The following KIRREL3 variants were observed in gnomAD, a reference collection of about 807,000 sequenced individuals.
KIRREL3 encodes the protein kirre like nephrin family adhesion molecule 3.
Under a neutral mutation model 89.7 loss-of-function variants are expected in KIRREL3, and 36 were observed. The ratio of observed to expected loss-of-function variants is 0.40; its 90% CI spans 0.31 to 0.53. The LOEUF is 0.53. Among genes scored for constraint, KIRREL3 ranks in the 20% least tolerant of loss-of-function variants. KIRREL3 has a pLI of 0.49. For missense variants in KIRREL3, 864 were observed against 1,056.6 expected, an observed-to-expected ratio of 0.82 and a Z score of 2.53; for synonymous variants, 445 against 441.4, an observed-to-expected ratio of 1.01 and a Z score of -0.10.
In KIRREL3 at chr11:126,643,322, T is replaced by C. The variant is rs530577426; in HGVS notation, c.56-80410A>G. Among the ~76,000 whole-genome samples, 2 of 152,204 alleles carry C rather than the reference T, an allele frequency of 1.3e-5. No individual in the cohort carries two copies. Among genetic ancestry groups the C allele is most frequent in the East Asian group, 3.9e-4 (2 of 5,186 alleles). ...ACTAATGAATTACAAATAAAGAAAATGTTAGGGAAACACAGAGGGGAGCTC... is the reference window on the plus strand; with the variant it reads ...ACTAATGAATTACAAATAAAGAAAACGTTAGGGAAACACAGAGGGGAGCTC... On this transcript the variant is annotated intron_variant, in intron 1 of 16. Transcript: ENST00000525144. The surrounding 1 kb of genome is among the most constrained non-coding windows in gnomAD (Gnocchi z 4.5).
At chr11:126,907,443 A>C (rs1946632482) in intron 1 of KIRREL3, among the ~76,000 whole-genome samples, 2 of 152,210 alleles carry the variant, frequency 1.3e-5, no homozygotes, top group African/African-American at 4.8e-5. Context: ...CACACAACAC[A>C]GTGACCTCAG....
rs10556780 is a variant in KIRREL3 at position 126,500,739 on chromosome 11, C to CAAA, written c.433+20573_433+20575dup. ...TGGGCAACAGAGTGAGACTTTAACT[C>CAAA]AAAAAAAAAAAAAAAGAAAAAGAAA... On this transcript the variant is annotated intron_variant, in intron 4 of 16. Transcript: ENST00000525144. Among the ~76,000 whole-genome samples the CAAA allele has an allele frequency of 1.3e-3, 179 of 133,182 alleles. 2 individuals carry two copies. Among genetic ancestry groups the CAAA allele is most frequent in the Non-Finnish European group, 1.8e-3 (111 of 62,298 alleles). 87.4% of individuals were successfully genotyped at this position (133,182 alleles called of 152,430 possible).
chr11:126,644,021 A>T (rs553552126), intron 1 of KIRREL3, among the ~76,000 whole-genome samples: 1 of 152,214 alleles, frequency 6.6e-6, no homozygotes, highest in Non-Finnish European at 1.5e-5. Context: ...TCTAGCTGGA[A>T]CTATGTGCCT....
intron 1 of KIRREL3, among the ~76,000 whole-genome samples, chr11:126,974,881 T>C (rs1351516442): frequency 1.3e-5 from 2 of 152,154 alleles, no homozygotes; most frequent in Non-Finnish European, 2.9e-5. Context: ...AATTTTTGTA[T>C]ATATTTTTAA....
At position 126,561,637 on chromosome 11, in the gene KIRREL3, C is replaced by G. The variant is rs1284548416; in HGVS notation, c.133+1198G>C. On this transcript the variant is annotated intron_variant, in intron 2 of 16. Coordinates refer to ENST00000525144, the MANE Select transcript of KIRREL3 (RefSeq NM_032531.4). The surrounding 1 kb of genome is among the most constrained non-coding windows in gnomAD (Gnocchi z 4.5). The stretch of plus-strand genomic sequence containing the variant: ...AGGACACAGAAAATGCGGCCCCCAA[C>G]TCTGGTTGTACTCAGCCATGGGGTT... Among the ~76,000 whole-genome samples, 2 of 152,206 alleles carry G rather than the reference C, an allele frequency of 1.3e-5. No homozygotes were observed. The highest frequency in any genetic ancestry group is 6.5e-5 in the Admixed American group (1 of 15,288).
At position 126,708,958 on chromosome 11, in the gene KIRREL3, T is replaced by C. The variant is rs1045798748; in HGVS notation, c.56-146046A>G. On this transcript the variant is annotated intron_variant, in intron 1 of 16. Coordinates refer to ENST00000525144, the MANE Select transcript of KIRREL3 (RefSeq NM_032531.4). This position sits in a 1 kb window ranked among gnomAD's most constrained non-coding sequence, Gnocchi z 5.7. ...TGAATTGGTTTCTTCTCTATCCCAC[T>C]ATTACTGTCCTGATCCGTGCTAATC... Among the ~76,000 whole-genome samples the C allele has an allele frequency of 2.0e-5, 3 of 152,302 alleles. No individual in the cohort carries two copies. Among genetic ancestry groups the C allele is most frequent in the East Asian group, 3.9e-4 (2 of 5,176 alleles).
At chr11:126,852,688 C>A (rs905761768) in intron 1 of KIRREL3, among the ~76,000 whole-genome samples, 2 of 152,208 alleles carry the variant, frequency 1.3e-5, no homozygotes, top group African/African-American at 4.8e-5. Flanking sequence ...GACATTACGT[C>A]TGAGCTGAAA....
intron 11 of KIRREL3, among the ~76,000 whole-genome samples, chr11:126,438,926 C>A (rs1955458912): frequency 6.6e-6 from 1 of 152,212 alleles, no homozygotes; most frequent in Admixed American, 6.5e-5. Context: ...CCCACCCTCC[C>A]TGCACAACTG....
rs1950803952 is a variant in KIRREL3 at position 126,796,169 on chromosome 11, G to T, written c.55+204286C>A. 6.6e-6 allele frequency among the ~76,000 whole-genome samples: 1 copy of T among 151,684 alleles called. No homozygotes were observed. Among genetic ancestry groups the T allele is most frequent in the Admixed American group, 6.6e-5 (1 of 15,228 alleles). ...TGAACATTCTTTTCAGTCTCTAGAG[G>T]TCATGAAGGGAAGAAGGGGTTAAAA... On this transcript the variant is annotated intron_variant, in intron 1 of 16. Transcript: ENST00000525144. The surrounding 1 kb of genome is among the most constrained non-coding windows in gnomAD (Gnocchi z 5.1).
intron 1 of KIRREL3, among the ~76,000 whole-genome samples, chr11:126,678,718 G>T (rs1946315198): frequency 6.6e-6 from 1 of 150,722 alleles, no homozygotes; most frequent in South Asian, 2.1e-4. Context: ...AATTACACTC[G>T]AGGAGAAAAG....
At chr11:126,540,843 G>T (rs1938309778) in intron 2 of KIRREL3, among the ~76,000 whole-genome samples, 1 of 152,196 alleles carries the variant, frequency 6.6e-6, no homozygotes, top group African/African-American at 2.4e-5. Flanking sequence ...GTGGTCTCAG[G>T]CCTGTTGCTG....
At position 126,463,916 on chromosome 11, in the gene KIRREL3, C is replaced by T. The variant is rs1192689011; in HGVS notation, c.592-609G>A. On this transcript the variant is annotated intron_variant, in intron 5 of 16. Coordinates refer to ENST00000525144, the MANE Select transcript of KIRREL3 (RefSeq NM_032531.4). The surrounding 1 kb of genome is among the most constrained non-coding windows in gnomAD (Gnocchi z 5.9). ...AGTCTCAATCAAACCATAGGTGGGA[C>T]AGATACCATTATCTCCCATTGGATA... 6.6e-6 allele frequency among the ~76,000 whole-genome samples: 1 copy of T among 152,184 alleles called. No homozygotes were observed. Among genetic ancestry groups the T allele is most frequent in the East Asian group, 1.9e-4 (1 of 5,194 alleles).
intron 11 of KIRREL3, among the ~76,000 whole-genome samples, chr11:126,437,471 A>G (rs940291362): frequency 2.0e-5 from 3 of 152,098 alleles, no homozygotes; most frequent in African/African-American, 7.3e-5. Flanking sequence ...CACACTACAA[A>G]CATGCATATG....
At position 126,495,372 on chromosome 11, in the gene KIRREL3, C is replaced by T. The variant is rs999679201; in HGVS notation, c.434-21906G>A. 7.2e-5 allele frequency among the ~76,000 whole-genome samples: 11 copies of T among 152,118 alleles called. No homozygotes were observed. The highest frequency in any genetic ancestry group is 2.2e-4 in the African/African-American group (9 of 41,412). On this transcript the variant is annotated intron_variant, in intron 4 of 16. Transcript: ENST00000525144. The surrounding 1 kb of genome is among the most constrained non-coding windows in gnomAD (Gnocchi z 6.5). The stretch of plus-strand genomic sequence containing the variant: ...TCCTCTACATGAACCTCCCTCTCTG[C>T]GCCCTACCTCCAGCACCCTCTGACC...
rs1178748665 is a variant in KIRREL3 at position 126,531,880 on chromosome 11, T to C, written c.134-5193A>G. 6.6e-6 allele frequency among the ~76,000 whole-genome samples: 1 copy of C among 152,200 alleles called. No homozygotes were observed. The highest frequency in any genetic ancestry group is 2.4e-5 in the African/African-American group (1 of 41,444). ...ACGTCTGTCACATGTGCCTTTGTAC[T>C]TAGAGTTTGCCTGCTCTGGTTGGTC... On this transcript the variant is annotated intron_variant, in intron 2 of 16. Transcript: ENST00000525144. The surrounding 1 kb of genome is among the most constrained non-coding windows in gnomAD (Gnocchi z 4.7).
chr11:126,478,638 T>C (rs997960714), intron 4 of KIRREL3, among the ~76,000 whole-genome samples: 1 of 148,104 alleles, frequency 6.8e-6, no homozygotes, highest in Non-Finnish European at 1.5e-5. Context: ...TATGCGTGTG[T>C]ATGTGTGTAT....
intron 1 of KIRREL3, among the ~76,000 whole-genome samples, chr11:126,972,767 C>A (rs1019349637): frequency 6.6e-6 from 1 of 152,124 alleles, no homozygotes; most frequent in African/African-American, 2.4e-5. Flanking sequence ...TGTACACACA[C>A]CTTCTCTTCC....
At chr11:126,595,052 C>T (rs1220915029) in intron 1 of KIRREL3, among the ~76,000 whole-genome samples, 5 of 152,204 alleles carry the variant, frequency 3.3e-5, no homozygotes, top group African/African-American at 1.2e-4. Context: ...CCCCAGCTGC[C>T]GTGGCACTGT....
chr11:126,460,892 G>A (rs908492177), intron 6 of KIRREL3, among the ~76,000 whole-genome samples: 2 of 152,228 alleles, frequency 1.3e-5, no homozygotes, highest in Non-Finnish European at 1.5e-5. Flanking sequence ...TTGTCCAGGA[G>A]TCTGTAACAT....
Sources: allele counts gnomAD v4.1 joint callset (sites outside exome capture counted in the v4.1 genomes callset), GRCh38; gene constraint gnomAD v4.1.1; non-coding constraint Gnocchi (gnomAD v3.1); transcripts MANE v1.5; gene names NCBI Gene and HGNC (gene_info 2026-07-23, HGNC 2026-07-21).